The following IL33 variants were observed in gnomAD, a reference collection of about 807,000 sequenced individuals.
IL33 encodes interleukin 33.
IL33 carries 37 observed loss-of-function variants against 27.3 expected under a neutral mutation model. That is an observed-to-expected ratio of 1.36 (90% CI 1.04 to 1.78). IL33 has a LOEUF of 1.78. Among genes scored for constraint, IL33 ranks in the 40% most tolerant of loss-of-function variants. The pLI, the probability that IL33 is intolerant of heterozygous loss-of-function variation, is 0.00. For synonymous variants in IL33, 132 were observed against 102.9 expected, an observed-to-expected ratio of 1.28 and a Z score of -1.71; for missense variants, 406 against 311.4, an observed-to-expected ratio of 1.30 and a Z score of -2.29.
chr9:6,222,502 T>C (rs756834300), intron 1 of IL33, among the ~76,000 whole-genome samples: 7 of 152,224 alleles, frequency 4.6e-5, no homozygotes, highest in Non-Finnish European at 1.0e-4. Flanking sequence ...ATATATTACA[T>C]GCTTTACAAA....
In IL33 at chr9:6,252,945, A is replaced by C; in HGVS notation, c.423A>C (p.Glu141Asp). The change falls in exon 5 of 8, where the codon GAA becomes GAC. Residue 141 changes from glutamate (E) to aspartate (D), a missense_variant. Transcript: ENST00000682010. The part of the protein sequence containing the change: ...DQSITFALED[E>D]SYEIYVEDLK... ...CCATTACTTTTGCTTTGGAGGATGA[A>C]AGTTATGAGATATATGTTGAAGACT... 1 of 1,595,206 alleles carries C rather than the reference A, an allele frequency of 6.3e-7. No individual in the cohort carries two copies.
intron 2 of IL33, chr9:6,242,508 C>T (rs954927445): frequency 6.6e-6 from 1 of 152,198 alleles, no homozygotes; most frequent in Admixed American, 6.5e-5. Flanking sequence ...CCAAATGAAA[C>T]TTCAGCAAGC....
chr9:6,237,555 G>T (rs945079949), intron 1 of IL33, among the ~76,000 whole-genome samples: 26 of 152,078 alleles, frequency 1.7e-4, no homozygotes, highest in African/African-American at 6.0e-4. Flanking sequence ...CCATGAGGGT[G>T]ATAAGACGGG....
intron 2 of IL33, among the ~76,000 whole-genome samples, chr9:6,243,430 C>T (rs1369432156): frequency 6.6e-6 from 1 of 152,184 alleles, no homozygotes; most frequent in Non-Finnish European, 1.5e-5. Context: ...TCTCATCTCA[C>T]TAAAACCTCT....
upstream of IL33, among the ~76,000 whole-genome samples, chr9:6,215,444 A>G (rs1377723278): frequency 6.6e-6 from 1 of 152,216 alleles, no homozygotes; most frequent in Non-Finnish European, 1.5e-5. Context: ...GGAAGAATAC[A>G]CTGATCTCTT....
At position 6,256,623 on chromosome 9, in the gene IL33, G is replaced by T. The variant is rs1334333287; in HGVS notation, c.*455G>T. Reference sequence around the variant, plus strand: ...CAAACACTAGAGCTGCTAGTAAAAAGAAGACCAGATGCTTCACAGAATTAT... The same window carrying T: ...CAAACACTAGAGCTGCTAGTAAAAATAAGACCAGATGCTTCACAGAATTAT... On this transcript the variant is annotated 3_prime_UTR_variant, in exon 8 of 8. Transcript: ENST00000682010. The T allele has an allele frequency of 1.4e-5, 4 of 289,094 alleles. No individual in the cohort carries two copies. The highest frequency in any genetic ancestry group is 5.2e-5 in the Admixed American group (1 of 19,102). The allele number at this position is 289,094 out of a possible 1,614,324, so 17.9% of individuals were successfully genotyped here. A position where few individuals can be genotyped will look rare whatever the true frequency, so the allele number is the denominator to read the frequency against.
At chr9:6,243,722 C>A (rs549326236) in intron 2 of IL33, among the ~76,000 whole-genome samples, 140 of 152,200 alleles carry the variant, frequency 9.2e-4, no homozygotes, top group African/African-American at 3.2e-3. Flanking sequence ...GTTAATGGAG[C>A]CTTGGTGAAC....
At chr9:6,239,802 A>C (rs1224202810) in intron 1 of IL33, among the ~76,000 whole-genome samples, 1 of 152,084 alleles carries the variant, frequency 6.6e-6, no homozygotes, top group Non-Finnish European at 1.5e-5. Context: ...AACTAGCCTC[A>C]CTAGTTTTTT....
At chr9:6,229,037 G>A (rs1456787576) in intron 1 of IL33, among the ~76,000 whole-genome samples, 1 of 152,078 alleles carries the variant, frequency 6.6e-6, no homozygotes, top group Non-Finnish European at 1.5e-5. Context: ...TTCTGAGGAT[G>A]GTACCCTTTG....
intron 1 of IL33, among the ~76,000 whole-genome samples, chr9:6,229,352 G>A (rs1303627278): frequency 6.6e-6 from 1 of 152,142 alleles, no homozygotes; most frequent in Non-Finnish European, 1.5e-5. Flanking sequence ...GCATGGGAGG[G>A]GGCCCAGGAG....
chr9:6,255,991 G>A lies in IL33; in HGVS notation c.636G>A (p.Leu212=). The change falls in exon 8 of 8, where the codon CTG becomes CTA. Residue 212 remains leucine, a synonymous_variant. Coordinates refer to ENST00000682010, the MANE Select transcript of IL33 (RefSeq NM_033439.4). ...SVELHKCEKP[L]PDQAFFVLHN... Reference sequence around the variant, plus strand: ...AGCTCCATAAGTGTGAAAAACCACTGCCAGACCAGGCCTTCTTTGTCCTTC... The same window carrying A: ...AGCTCCATAAGTGTGAAAAACCACTACCAGACCAGGCCTTCTTTGTCCTTC... 6.2e-7 allele frequency: 1 copy of A among 1,613,564 alleles called. No homozygotes were observed. Among genetic ancestry groups the A allele is most frequent in the South Asian group, 1.1e-5 (1 of 91,062 alleles).
intron 1 of IL33, among the ~76,000 whole-genome samples, chr9:6,222,053 G>A (rs1464155115): frequency 1.3e-5 from 2 of 152,160 alleles, no homozygotes; most frequent in Non-Finnish European, 2.9e-5. Context: ...TCATACCATG[G>A]TGGTCAAGCT....
At chr9:6,238,883 A>G (rs1416486340) in intron 1 of IL33, among the ~76,000 whole-genome samples, 1 of 152,192 alleles carries the variant, frequency 6.6e-6, no homozygotes, top group African/African-American at 2.4e-5. Context: ...CCATACTAAG[A>G]GAATATGGAA....
intron 7 of IL33, among the ~76,000 whole-genome samples, chr9:6,255,189 C>T (rs1816654215): frequency 6.6e-6 from 1 of 152,024 alleles, no homozygotes; most frequent in Non-Finnish European, 1.5e-5. Context: ...TTTTGACAAA[C>T]AAGCCAAAGG....
intron 1 of IL33, among the ~76,000 whole-genome samples, chr9:6,223,824 G>A (rs1342737917): frequency 3.9e-5 from 6 of 152,178 alleles, no homozygotes; most frequent in Non-Finnish European, 2.9e-5. Flanking sequence ...TCGTCGGGCA[G>A]TTTCAGAGTT....
In IL33 at chr9:6,216,524, C is replaced by G. The variant is rs185042275; in HGVS notation, c.-12+672C>G. 4.9e-3 allele frequency among the ~76,000 whole-genome samples: 752 copies of G among 152,216 alleles called. 6 individuals carry two copies. Among genetic ancestry groups the G allele is most frequent in the Non-Finnish European group, 8.5e-3 (578 of 68,012 alleles). ...CCGAGGTGGGTGAATCGCCTGAGGT[C>G]AGGAGTTTGCAGCCAGCCTGGCCAA... On this transcript the variant is annotated intron_variant, in intron 1 of 7. Coordinates refer to ENST00000682010, the MANE Select transcript of IL33 (RefSeq NM_033439.4).
chr9:6,254,989 A>T (rs1266427983), intron 7 of IL33, among the ~76,000 whole-genome samples: 5 of 152,158 alleles, frequency 3.3e-5, no homozygotes, highest in Admixed American at 3.3e-4. Context: ...TTTGTATAAT[A>T]TCATTTTCTT....
intron 1 of IL33, among the ~76,000 whole-genome samples, chr9:6,224,790 AC>A (rs1203132864): frequency 1.3e-5 from 2 of 152,140 alleles, no homozygotes; most frequent in Non-Finnish European, 2.9e-5. Context: ...GGCATTACCT[AC>A]CCTTGCAAAC....
chr9:6,220,295 C>T (rs1242325687), intron 1 of IL33, among the ~76,000 whole-genome samples: 2 of 152,170 alleles, frequency 1.3e-5, no homozygotes, highest in Non-Finnish European at 2.9e-5. Flanking sequence ...TTTTCCCTAG[C>T]CATATTAGTG....
Sources: allele counts gnomAD v4.1 joint callset (sites outside exome capture counted in the v4.1 genomes callset), GRCh38; gene constraint gnomAD v4.1.1; transcripts MANE v1.5; gene names NCBI Gene and HGNC (gene_info 2026-07-23, HGNC 2026-07-21).